Variants in OXSR1 observed in about 807,000 individuals in gnomAD.
The protein encoded by OXSR1 is serine/threonine-protein kinase OSR1.
A neutral mutation model predicts 79.8 loss-of-function variants in OXSR1; 24 were observed. The ratio of observed to expected loss-of-function variants is 0.30; its 90% CI spans 0.22 to 0.42. The LOEUF (loss-of-function observed/expected upper bound fraction) is 0.42, where lower values mean the gene tolerates loss of function less well. Among genes scored for constraint, OXSR1 ranks in the 10% least tolerant of loss-of-function variants. The pLI, the probability that OXSR1 is intolerant of heterozygous loss-of-function variation, is 1.00. For synonymous variants in OXSR1, 226 were observed against 209.2 expected (o/e 1.08, Z -0.69); for missense variants, 430 against 618.4 (o/e 0.70, Z 3.23).
chr3:38,211,291 A>G (rs1702382704), intron 4 of OXSR1, among the ~76,000 whole-genome samples: 1 of 152,174 alleles, frequency 6.6e-6, no homozygotes, highest in South Asian at 2.1e-4. Context: ...GAACCTGTCC[A>G]GCTCTCTGTG....
intron 8 of OXSR1, among the ~76,000 whole-genome samples, chr3:38,229,262 G>A (rs1702756448): frequency 6.6e-6 from 1 of 152,038 alleles, no homozygotes; most frequent in African/African-American, 2.4e-5. Context: ...AGAAGTGGAG[G>A]TCTTGATTTG....
rs759217132 is a variant in OXSR1 at position 38,165,856 on chromosome 3, C to T, written c.-21C>T. 2.5e-6 allele frequency: 4 copies of T among 1,603,110 alleles called. No individual in the cohort carries two copies. Among genetic ancestry groups the T allele is most frequent in the Admixed American group, 3.4e-5 (2 of 58,826 alleles). ...CGAGGTCAGCGAGTTTGAGGGAGGA[C>T]CGCGAGCCGCTGCCGCCGTCATGTC... On this transcript the variant is annotated 5_prime_UTR_variant, in exon 1 of 18. Transcript: ENST00000311806.
At chr3:38,170,895 G>A (rs78908605) in intron 1 of OXSR1, among the ~76,000 whole-genome samples, 180 of 152,102 alleles carry the variant, frequency 1.2e-3, no homozygotes, top group African/African-American at 4.1e-3. Context: ...CTCTTGCCTC[G>A]TCCTCCCCAG....
rs754035874 is a variant in OXSR1 at position 38,223,799 on chromosome 3, A to C, written c.601-13A>C. On this transcript the variant is annotated splice_polypyrimidine_tract_variant and intron_variant, in intron 6 of 17. Coordinates refer to ENST00000311806, the MANE Select transcript of OXSR1 (RefSeq NM_005109.3). ...TATGCTGGTAAAAATAATCATGCAA[A>C]TCTGTTTTGCAGGTCCGTGGTTATG... 6 of 1,583,266 alleles carry C rather than the reference A, an allele frequency of 3.8e-6. No homozygotes were observed. Among genetic ancestry groups the C allele is most frequent in the Non-Finnish European group, 5.2e-6 (6 of 1,154,986 alleles).
At chr3:38,202,682 T>C (rs1204474819) in intron 4 of OXSR1, among the ~76,000 whole-genome samples, 1 of 152,220 alleles carries the variant, frequency 6.6e-6, no homozygotes, top group African/African-American at 2.4e-5. Context: ...TCAATCATTA[T>C]TATAAACATT....
intron 8 of OXSR1, among the ~76,000 whole-genome samples, chr3:38,225,280 A>G (rs547427742): frequency 3.6e-4 from 55 of 152,282 alleles, no homozygotes; most frequent in African/African-American, 1.3e-3. Context: ...TTTTGAGGTC[A>G]CTTGATACTT....
Position 38,190,829 on chromosome 3 carries a change from G to A in OXSR1, c.282G>A (p.Leu94=), listed in dbSNP as rs1381159377. The change falls in exon 3 of 18, where the codon CTG becomes CTA. Residue 94 remains leucine, a synonymous_variant. Coordinates refer to ENST00000311806, the MANE Select transcript of OXSR1 (RefSeq NM_005109.3). ...ATGAGCTGTGGCTTGTCATGAAGCT[G>A]CTAAGTGGAGGTGAGTAGAGTACAA... ...VKDELWLVMK[L]LSGGSVLDII... is the part of the protein sequence containing the mutation. The A allele has an allele frequency of 2.5e-6, 4 of 1,569,536 alleles. No individual in the cohort carries two copies. Among genetic ancestry groups the A allele is most frequent in the South Asian group, 1.1e-5 (1 of 90,086 alleles).
At chr3:38,171,922 T>A (rs929675206) in intron 1 of OXSR1, among the ~76,000 whole-genome samples, 5 of 152,246 alleles carry the variant, frequency 3.3e-5, no homozygotes. Flanking sequence ...TGACATTGCC[T>A]CTTACTAGTT....
intron 16 of OXSR1, among the ~76,000 whole-genome samples, chr3:38,251,950 G>A (rs1014414161): frequency 7.2e-5 from 11 of 152,172 alleles, no homozygotes; most frequent in African/African-American, 1.4e-4. Flanking sequence ...TAGGCCTTGC[G>A]GGCCATGTAC....
At chr3:38,172,703 C>T (rs1277184470) in intron 1 of OXSR1, among the ~76,000 whole-genome samples, 3 of 152,122 alleles carry the variant, frequency 2.0e-5, no homozygotes, top group African/African-American at 7.2e-5. Flanking sequence ...TGTATTTTTC[C>T]ATTGATTGGG....
chr3:38,233,634 C>G (rs541556994), intron 10 of OXSR1, among the ~76,000 whole-genome samples: 145 of 152,066 alleles, frequency 9.5e-4, no homozygotes, highest in Middle Eastern at 6.8e-3. Context: ...TTATATTTGC[C>G]AGGAGTGGTA....
At position 38,190,787 on chromosome 3, in the gene OXSR1, A is replaced by G. The variant is rs1002477642; in HGVS notation, c.240A>G (p.Thr80=). 6.2e-7 allele frequency: 1 copy of G among 1,610,746 alleles called. No individual in the cohort carries two copies. Among genetic ancestry groups the G allele is most frequent in the Admixed American group, 1.7e-5 (1 of 59,954 alleles). ...ATCCTAATATTGTATCTTACTACAC[A>G]TCTTTTGTGGTAAAAGATGAGCTGT... is the stretch of plus-strand genomic sequence containing the variant. ...CHHPNIVSYY[T]SFVVKDELWL... is the part of the protein sequence containing the mutation. Residue 80 remains threonine (T), a synonymous_variant, in exon 3 of 18, where the codon ACA becomes ACG. Coordinates refer to ENST00000311806, the MANE Select transcript of OXSR1 (RefSeq NM_005109.3).
intron 12 of OXSR1, 63 bp from the exon 13 acceptor site, chr3:38,246,012 T>C (rs1391383444): frequency 1.4e-5 from 21 of 1,482,300 alleles, no homozygotes; most frequent in Non-Finnish European, 1.9e-5. Flanking sequence ...CTGAACTTGC[T>C]GTCAGCAGAC....
intron 3 of OXSR1, among the ~76,000 whole-genome samples, chr3:38,195,177 C>T (rs948836070): frequency 6.6e-6 from 1 of 152,058 alleles, no homozygotes; most frequent in Middle Eastern, 3.4e-3. Flanking sequence ...CAAATGTAAG[C>T]TTTTTAGAAA....
At chr3:38,205,807 C>T (rs929548722) in intron 4 of OXSR1, among the ~76,000 whole-genome samples, 11 of 152,182 alleles carry the variant, frequency 7.2e-5, no homozygotes, top group African/African-American at 2.7e-4. Flanking sequence ...AGCAGAACCC[C>T]ATAGAGTCTC....
At chr3:38,188,619 A>G (rs940069839) in intron 2 of OXSR1, among the ~76,000 whole-genome samples, 4 of 152,204 alleles carry the variant, frequency 2.6e-5, no homozygotes, top group African/African-American at 9.6e-5. Flanking sequence ...ATGAAAATGT[A>G]TAATATAGTT....
chr3:38,164,511 T>C (rs1701389070), upstream of OXSR1, among the ~76,000 whole-genome samples: 1 of 152,236 alleles, frequency 6.6e-6, no homozygotes, highest in Non-Finnish European at 1.5e-5. Context: ...GTTTCGCACC[T>C]AGCCCTATCC....
intron 10 of OXSR1, among the ~76,000 whole-genome samples, chr3:38,233,888 G>A (rs1448423379): frequency 4.6e-5 from 7 of 152,060 alleles, no homozygotes; most frequent in Admixed American, 4.6e-4. Flanking sequence ...CTTCAGCCTG[G>A]GTGACAGAGC....
chr3:38,228,419 T>A (rs182479441), intron 8 of OXSR1, among the ~76,000 whole-genome samples: 1 of 152,358 alleles, frequency 6.6e-6, no homozygotes, highest in Non-Finnish European at 1.5e-5. Context: ...TCACATTTAT[T>A]CAGCTTTTTA....
Sources: allele counts gnomAD v4.1 joint callset (sites outside exome capture counted in the v4.1 genomes callset), GRCh38; gene constraint gnomAD v4.1.1; transcripts MANE v1.5; gene names NCBI Gene and HGNC (gene_info 2026-07-23, HGNC 2026-07-21).